The following PARD3B variants were observed in gnomAD, a reference collection of about 807,000 sequenced individuals.
The protein encoded by PARD3B is par-3 family cell polarity regulator beta.
A neutral mutation model predicts 130.2 loss-of-function variants in PARD3B; 103 were observed. The observed-to-expected ratio is 0.79, with a 90% CI of 0.67 to 0.93. The LOEUF is 0.93. Ranked by LOEUF, PARD3B falls within the 40% of genes least tolerant of loss-of-function variation. The pLI, the probability that PARD3B is intolerant of heterozygous loss-of-function variation, is 0.00. For synonymous variants in PARD3B, 583 were observed against 553.2 expected (o/e 1.05, Z -0.76); for missense variants, 1,609 against 1,499.2 (o/e 1.07, Z -1.21).
At chr2:205,144,252 G>A (rs1233259177) in intron 10 of PARD3B, among the ~76,000 whole-genome samples, 1 of 152,198 alleles carries the variant, frequency 6.6e-6, no homozygotes, top group Non-Finnish European at 1.5e-5. Flanking sequence ...ATGTGGAGCA[G>A]ACGTATACCT....
chr2:204,711,223 T>C (rs1017766885), intron 2 of PARD3B, among the ~76,000 whole-genome samples: 4 of 152,198 alleles, frequency 2.6e-5, no homozygotes, highest in African/African-American at 9.6e-5. Flanking sequence ...CTTAAGACCT[T>C]TGATTTTCCT....
At chr2:205,317,811 G>A (rs2042611281) in intron 18 of PARD3B, among the ~76,000 whole-genome samples, 1 of 152,076 alleles carries the variant, frequency 6.6e-6, no homozygotes, top group Non-Finnish European at 1.5e-5. Context: ...ATAAAAGGAA[G>A]CTTGAGTGAA....
intron 1 of PARD3B, among the ~76,000 whole-genome samples, chr2:204,648,185 G>A (rs1276578697): frequency 2.0e-5 from 3 of 151,474 alleles, no homozygotes; most frequent in African/African-American, 7.3e-5. Context: ...ATATAAATAG[G>A]TACTTAATAC....
intron 18 of PARD3B, among the ~76,000 whole-genome samples, chr2:205,313,964 A>C (rs1362565017): frequency 6.6e-6 from 1 of 152,230 alleles, no homozygotes; most frequent in Non-Finnish European, 1.5e-5. Context: ...TTGCATACTC[A>C]TATTAAATAA....
intron 2 of PARD3B, among the ~76,000 whole-genome samples, chr2:204,815,773 C>A (rs556840901): frequency 6.6e-6 from 1 of 152,114 alleles, no homozygotes; most frequent in East Asian, 1.9e-4. Flanking sequence ...TCTTCATTGA[C>A]CCTGAATTAT....
chr2:205,216,992 A>G (rs561301549), intron 15 of PARD3B, among the ~76,000 whole-genome samples: 1 of 151,508 alleles, frequency 6.6e-6, no homozygotes, highest in South Asian at 2.1e-4. Context: ...GATGGCTTCT[A>G]TGTCTTCAGC....
chr2:205,546,915 T>G (rs2052405196), intron 21 of PARD3B, among the ~76,000 whole-genome samples: 1 of 152,152 alleles, frequency 6.6e-6, no homozygotes, highest in Non-Finnish European at 1.5e-5. Context: ...AATAAACAGA[T>G]GAGAAAACAG....
At chr2:205,119,980 C>T (rs1451349200) in intron 7 of PARD3B, among the ~76,000 whole-genome samples, 2 of 151,976 alleles carry the variant, frequency 1.3e-5, no homozygotes, top group Non-Finnish European at 2.9e-5. Flanking sequence ...GTCATCACCA[C>T]CCTCTTGTTT....
At chr2:204,910,701 G>A (rs932810047) in intron 2 of PARD3B, among the ~76,000 whole-genome samples, 3 of 152,088 alleles carry the variant, frequency 2.0e-5, no homozygotes, top group African/African-American at 4.8e-5. Context: ...GTGCAGCGGC[G>A]TGATCTCGGC....
chr2:205,384,491 G>T (rs190486653), intron 18 of PARD3B, among the ~76,000 whole-genome samples: 1 of 152,124 alleles, frequency 6.6e-6, no homozygotes, highest in African/African-American at 2.4e-5. Flanking sequence ...TATAATGCTT[G>T]GTACTTGTTG....
At position 205,011,752 on chromosome 2, in the gene PARD3B, G is replaced by A. The variant is rs978409411; in HGVS notation, c.395-35829G>A. On this transcript the variant is annotated intron_variant, in intron 3 of 22. Transcript: ENST00000406610. The surrounding 1 kb of genome is among the most constrained non-coding windows in gnomAD (Gnocchi z 4.1). ...GGGAACCTAGCTTGGAAATAAAGAA[G>A]GGGTCTCACCATTCAGTATTTGACT... 3.3e-5 allele frequency among the ~76,000 whole-genome samples: 5 copies of A among 151,986 alleles called. No homozygotes were observed. The highest frequency in any genetic ancestry group is 7.4e-5 in the Non-Finnish European group (5 of 67,992).
rs1484669436 is a variant in PARD3B, at chr2:205,550,958, T to C, written c.3181-2366T>C. ...GTGTGTGTGTATATATATATGTGTA[T>C]ATATATATATATATATATACACACA... On this transcript the variant is annotated intron_variant, in intron 21 of 22. Coordinates refer to ENST00000406610, the MANE Select transcript of PARD3B (RefSeq NM_001302769.2). The surrounding 1 kb of genome is among the most constrained non-coding windows in gnomAD (Gnocchi z 4.5). 1.1e-5 allele frequency among the ~76,000 whole-genome samples: 1 copy of C among 93,554 alleles called. No homozygotes were observed. The highest frequency in any genetic ancestry group is 3.5e-5 in the African/African-American group (1 of 28,882). The allele number at this position is 93,554 out of a possible 152,430, so 61.4% of individuals were successfully genotyped here.
intron 3 of PARD3B, among the ~76,000 whole-genome samples, chr2:205,040,913 A>C (rs1575615575): frequency 6.6e-6 from 1 of 152,254 alleles, no homozygotes; most frequent in Non-Finnish European, 1.5e-5. Context: ...AGCCCCCTAA[A>C]GAGGAGTCTC....
chr2:204,807,260 G>A (rs1291607554), intron 2 of PARD3B, among the ~76,000 whole-genome samples: 1 of 152,114 alleles, frequency 6.6e-6, no homozygotes, highest in Non-Finnish European at 1.5e-5. Context: ...ATCAATTATT[G>A]ATCATTGGTG....
At chr2:205,480,116 G>A (rs952049621) in intron 20 of PARD3B, among the ~76,000 whole-genome samples, 1 of 151,970 alleles carries the variant, frequency 6.6e-6, no homozygotes, top group South Asian at 2.1e-4. Flanking sequence ...TGTTGACCAG[G>A]TTTTTCATGA....
intron 19 of PARD3B, among the ~76,000 whole-genome samples, chr2:205,409,704 A>G (rs559867397): frequency 2.6e-5 from 4 of 152,292 alleles, no homozygotes; most frequent in African/African-American, 9.6e-5. Flanking sequence ...AACTTCTATG[A>G]AGTACACCAG....
intron 3 of PARD3B, among the ~76,000 whole-genome samples, chr2:205,046,528 A>T (rs1395768595): frequency 6.6e-6 from 1 of 151,866 alleles, no homozygotes; most frequent in Admixed American, 6.6e-5. Flanking sequence ...GGACAAAGAT[A>T]AAAAAATATT....
chr2:205,365,084 C>T (rs1036535727), intron 18 of PARD3B, among the ~76,000 whole-genome samples: 1 of 150,772 alleles, frequency 6.6e-6, no homozygotes, highest in African/African-American at 2.4e-5. Context: ...CCTGTAATCC[C>T]AGCTACTTGG....
chr2:205,146,627 G>A lies in PARD3B; in HGVS notation c.1435-12095G>A, dbSNP rs1559483716. 1.3e-5 allele frequency among the ~76,000 whole-genome samples: 2 copies of A among 151,894 alleles called. No individual in the cohort carries two copies. The highest frequency in any genetic ancestry group is 2.1e-4 in the South Asian group (1 of 4,800). On this transcript the variant is annotated intron_variant, in intron 10 of 22. Coordinates refer to ENST00000406610, the MANE Select transcript of PARD3B (RefSeq NM_001302769.2). The surrounding 1 kb of genome is among the most constrained non-coding windows in gnomAD (Gnocchi z 4.3). Reference sequence around the variant, plus strand: ...GATAGCGCCACTGCACTCCAGCCTGGGCGACAGAGCGAGACTCCGCCTCAA... The same window carrying A: ...GATAGCGCCACTGCACTCCAGCCTGAGCGACAGAGCGAGACTCCGCCTCAA...
Sources: gnomAD v4.1 joint callset for allele counts (sites outside exome capture counted in the v4.1 genomes callset) on GRCh38, gnomAD v4.1.1 for gene constraint, Gnocchi (gnomAD v3.1) non-coding constraint, MANE v1.5 for transcripts, NCBI Gene and HGNC (gene_info 2026-07-23, HGNC 2026-07-21) for gene names.